Variants in SPMIP5 observed in about 807,000 individuals in gnomAD.
SPMIP5 encodes sperm microtubule inner protein 5.
At chr10:116,665,940 A>G in the SPMIP5 span, 6 of 877,612 alleles carry the variant, frequency 6.8e-6, no homozygotes, top group East Asian at 1.3e-4. Context: ...TTCCTCAGCC[A>G]ACAGCACTAC....
At chr10:116,662,738 T>C in the SPMIP5 span, among the ~76,000 whole-genome samples, 1 of 152,138 alleles carries the variant, frequency 6.6e-6, no homozygotes, top group Non-Finnish European at 1.5e-5. Context: ...CGGCTTGAAC[T>C]ATGTCCCTCA....
the SPMIP5 span, chr10:116,668,145 G>T: frequency 2.0e-6 from 2 of 1,008,714 alleles, no homozygotes; most frequent in Non-Finnish European, 3.1e-6. Flanking sequence ...AAGCTAGAGC[G>T]CCTAGACTGG....
chr10:116,663,870 C>A, the SPMIP5 span: 1 of 1,493,130 alleles, frequency 6.7e-7, no homozygotes, highest in South Asian at 1.3e-5. Flanking sequence ...TTGGAAGCCC[C>A]ACTTAAAGTT....
At chr10:116,665,860 A>G in the SPMIP5 span, 2 of 1,564,636 alleles carry the variant, frequency 1.3e-6, no homozygotes, top group South Asian at 1.2e-5. Context: ...AGCCTTCAGC[A>G]AGACTGGCCA....
At chr10:116,668,137 G>T in the SPMIP5 span, 1 of 953,088 alleles carries the variant, frequency 1.0e-6, no homozygotes, top group Non-Finnish European at 1.7e-6. Flanking sequence ...TGTCTGAGAA[G>T]CTAGAGCGCC....
chr10:116,664,483 C>A, the SPMIP5 span: 1 of 762,942 alleles, frequency 1.3e-6, no homozygotes, highest in Non-Finnish European at 1.9e-6. Context: ...TAAGCCACTG[C>A]CAGGATGGTA....
At chr10:116,665,509 C>T in the SPMIP5 span, 175 of 1,029,594 alleles carry the variant, frequency 1.7e-4, 4 homozygotes, top group South Asian at 2.7e-3. Flanking sequence ...GGATTTGGAA[C>T]GGTGCGGGAT....
the SPMIP5 span, chr10:116,664,058 G>A: frequency 6.2e-7 from 1 of 1,602,698 alleles, no homozygotes; most frequent in African/African-American, 1.3e-5. Context: ...CCATCTAGGA[G>A]AGGAACCGTC....
At chr10:116,665,956 T>C in the SPMIP5 span, 40 of 775,430 alleles carry the variant, frequency 5.2e-5, no homozygotes, top group South Asian at 1.5e-4. Context: ...ACTACGTTTT[T>C]CCAAAGGCCA....
the SPMIP5 span, among the ~76,000 whole-genome samples, chr10:116,669,589 T>C: frequency 6.6e-6 from 1 of 152,206 alleles, no homozygotes; most frequent in Non-Finnish European, 1.5e-5. Flanking sequence ...CCCCATGTGG[T>C]TGCAGCAGAA....
chr10:116,667,695 G>A, the SPMIP5 span, among the ~76,000 whole-genome samples: 3 of 152,200 alleles, frequency 2.0e-5, no homozygotes, highest in Non-Finnish European at 2.9e-5. Context: ...GAAGCCTGAG[G>A]AGGAATAGCC....
At chr10:116,665,446 T>G in the SPMIP5 span, 2 of 539,756 alleles carry the variant, frequency 3.7e-6, no homozygotes, top group Non-Finnish European at 3.2e-6. Flanking sequence ...GAAAAAGAAA[T>G]GTGTCTTTCT....
the SPMIP5 span, chr10:116,665,743 G>A: frequency 6.2e-7 from 1 of 1,614,172 alleles, no homozygotes; most frequent in Non-Finnish European, 8.5e-7. Context: ...TTATAGCGCT[G>A]TGTTTTCTCC....
At chr10:116,665,089 C>A in the SPMIP5 span, 99 of 1,426,518 alleles carry the variant, frequency 6.9e-5, no homozygotes, top group Non-Finnish European at 9.0e-5. Flanking sequence ...AGGACTGTGC[C>A]CCCTCCCCTA....
the SPMIP5 span, chr10:116,665,493 C>A: frequency 3.6e-6 from 3 of 829,218 alleles, no homozygotes; most frequent in African/African-American, 1.7e-5. Flanking sequence ...TTGGTGCTGA[C>A]CCCTGGGATT....
the SPMIP5 span, chr10:116,663,868 C>A: frequency 6.7e-7 from 1 of 1,487,916 alleles, no homozygotes; most frequent in Non-Finnish European, 8.9e-7. Context: ...TTTTGGAAGC[C>A]CCACTTAAAG....
the SPMIP5 span, chr10:116,665,777 C>G: frequency 6.2e-7 from 1 of 1,614,038 alleles, no homozygotes. Flanking sequence ...CACAGTGGTT[C>G]ATGTCATCCT....
the SPMIP5 span, among the ~76,000 whole-genome samples, chr10:116,663,504 A>T: frequency 6.6e-6 from 1 of 151,942 alleles, no homozygotes; most frequent in Non-Finnish European, 1.5e-5. Flanking sequence ...ATTCTGGAAA[A>T]CCAGGGCTGG....
At chr10:116,665,421 A>AT in the SPMIP5 span, 1 of 554,530 alleles carries the variant, frequency 1.8e-6, no homozygotes, top group African/African-American at 1.9e-5. Flanking sequence ...AAAAAAAAAA[A>AT]GAAAAAGAAA....
Sources: allele counts gnomAD v4.1 joint callset (sites outside exome capture counted in the v4.1 genomes callset), GRCh38; gene constraint gnomAD v4.1.1; transcripts MANE v1.5; gene names NCBI Gene and HGNC (gene_info 2026-07-23, HGNC 2026-07-21).